The following MIER1 variants were observed in gnomAD, a reference collection of about 807,000 sequenced individuals.
The protein encoded by MIER1 is MIER1 transcriptional regulator, also known as mesoderm induction early response protein 1.
In MIER1, 40 loss-of-function variants were observed where a neutral mutation model predicts 75.7. The ratio of observed to expected loss-of-function variants is 0.53; its 90% confidence interval spans 0.41 to 0.69. The LOEUF (loss-of-function observed/expected upper bound fraction) is 0.69, where lower values mean the gene tolerates loss of function less well. MIER1 is among the 30% of genes least tolerant of loss of function. MIER1 has a pLI of 0.00. For missense variants in MIER1, 574 were observed against 680.2 expected (o/e 0.84, Z 1.74); for synonymous variants, 213 against 223.4 (o/e 0.95, Z 0.42).
rs1480618510 is a variant in MIER1 at position 66,987,925 on chromosome 1, T to C, written c.*3025T>C. 7 of 152,184 alleles carry C rather than the reference T, an allele frequency of 4.6e-5. No homozygotes were observed. Among genetic ancestry groups the C allele is most frequent in the African/African-American group, 7.3e-5 (3 of 41,342 alleles). 9.4% of individuals were successfully genotyped at this position (152,184 alleles called of 1,614,324 possible). A position where few individuals can be genotyped will look rare whatever the true frequency, so the allele number is the denominator to read the frequency against. On this transcript the variant is annotated 3_prime_UTR_variant, in exon 14 of 14. Transcript: ENST00000401041. Reference sequence around the variant, plus strand: ...GTCCCTAGACCTCCATTCACTCTGTTTCTCTTCTGCTGGATTATATAATTT... The same window carrying C: ...GTCCCTAGACCTCCATTCACTCTGTCTCTCTTCTGCTGGATTATATAATTT...
At chr1:66,937,268 CAGCT>C (rs1393209730) in intron 2 of MIER1, among the ~76,000 whole-genome samples, 1 of 152,004 alleles carries the variant, frequency 6.6e-6, no homozygotes, top group African/African-American at 2.4e-5. Context: ...TGATTATGAT[CAGCT>C]AACTAGATGC....
At chr1:66,959,525 ATAGGG>A (rs1478120518) in intron 6 of MIER1, among the ~76,000 whole-genome samples, 149 bp from the exon 7 acceptor site, 1 of 151,950 alleles carries the variant, frequency 6.6e-6, no homozygotes, top group Non-Finnish European at 1.5e-5. Flanking sequence ...TTTTTAAGTG[ATAGGG>A]TGTTAATTAT....
chr1:66,985,814 A>ATTTTTTTTTTTTTT lies in MIER1; in HGVS notation c.*924_*937dup. On this transcript the variant is annotated 3_prime_UTR_variant, in exon 14 of 14. Coordinates refer to ENST00000401041, the MANE Select transcript of MIER1 (RefSeq NM_001077700.3). ...TAAAGCATTCATAAAGGATTATAAA[A>ATTTTTTTTTTTTTT]TTTTTTTTTTTTTTTTTTTTTTTAA... 1 of 629,882 alleles carries ATTTTTTTTTTTTTT rather than the reference A, an allele frequency of 1.6e-6. No individual in the cohort carries two copies. Among genetic ancestry groups the ATTTTTTTTTTTTTT allele is most frequent in the Non-Finnish European group, 1.9e-6 (1 of 517,374 alleles). The allele number at this position is 629,882 out of a possible 1,614,324, so 39.0% of individuals were successfully genotyped here.
chr1:66,973,871 C>T (rs1250284006), intron 11 of MIER1, among the ~76,000 whole-genome samples: 1 of 152,046 alleles, frequency 6.6e-6, no homozygotes, highest in Admixed American at 6.6e-5. Flanking sequence ...AGTTTTGTGT[C>T]GTAGCTTGTC....
intron 4 of MIER1, chr1:66,947,801 C>G (rs1658017963): frequency 5.0e-6 from 2 of 401,816 alleles, no homozygotes; most frequent in Admixed American, 6.4e-5. Flanking sequence ...ACCCATGTAT[C>G]ACACTACCTC....
rs1652414964 is a variant in MIER1, at chr1:66,928,760, A to T, written c.168+2518A>T. The T allele has an allele frequency of 5.3e-6, 3 of 562,514 alleles. No individual in the cohort carries two copies. In the South Asian group the frequency reaches 8.1e-5, roughly 15 times the overall value. The allele number at this position is 562,514 out of a possible 1,614,324, so 34.8% of individuals were successfully genotyped here. On this transcript the variant is annotated intron_variant, in intron 2 of 13. Coordinates refer to ENST00000401041, the MANE Select transcript of MIER1 (RefSeq NM_001077700.3). ...ATTCCCCCAAGGAATCCTGAAAAACACTTTTATATAAGTTTTCTAAAAAAT... is the reference window on the plus strand; with the variant it reads ...ATTCCCCCAAGGAATCCTGAAAAACTCTTTTATATAAGTTTTCTAAAAAAT...
chr1:66,975,896 A>G (rs569923322), intron 11 of MIER1, among the ~76,000 whole-genome samples: 1 of 152,338 alleles, frequency 6.6e-6, no homozygotes, highest in South Asian at 2.1e-4. Flanking sequence ...ATTTAAAGAT[A>G]CGCTCCCTAG....
Position 66,974,437 on chromosome 1 carries a change from TTG to T in MIER1, c.1101+1448_1101+1449del, listed in dbSNP as rs1404746288. Among the ~76,000 whole-genome samples the T allele has an allele frequency of 1.5e-3, 223 of 149,118 alleles. 1 individual carries two copies. Among genetic ancestry groups the T allele is most frequent in the African/African-American group, 5.2e-3 (203 of 38,990 alleles). On this transcript the variant is annotated intron_variant, in intron 11 of 13. Transcript: ENST00000401041. ...ATTTTTGGATGAGGTTTTTTTTTTGTTGTTGTTGTTGTTGTTTTTTAACACTT... is the reference window on the plus strand; with the variant it reads ...ATTTTTGGATGAGGTTTTTTTTTTGTTTGTTGTTGTTGTTTTTTAACACTT...
intron 4 of MIER1, among the ~76,000 whole-genome samples, chr1:66,949,591 G>C (rs1453121927): frequency 6.6e-6 from 1 of 152,164 alleles, no homozygotes; most frequent in Non-Finnish European, 1.5e-5. Context: ...AAGTAGCATA[G>C]AATGCTTTTC....
In MIER1 at chr1:66,970,457, T is replaced by C. The variant is rs80126624; in HGVS notation, c.773-351T>C. Among the ~76,000 whole-genome samples, 379 of 152,290 alleles carry C rather than the reference T, an allele frequency of 2.5e-3. 3 individuals carry two copies. Among genetic ancestry groups the C allele is most frequent in the African/African-American group, 8.3e-3 (343 of 41,564 alleles). ...CCTTAAAACTATGTGGTAGAGTTAT[T>C]GTTACCTCCTTTCACAGATGAGACA... is the stretch of plus-strand genomic sequence containing the variant. On this transcript the variant is annotated intron_variant, in intron 8 of 13. Transcript: ENST00000401041.
In MIER1 at chr1:66,944,245, G is replaced by T. The variant is rs533077400; in HGVS notation, c.194-1905G>T. ...GCTTTACTTATTGTTTATCTTTCTG[G>T]AGTGAAATGAAAGAATAGGTACATC... On this transcript the variant is annotated intron_variant, in intron 3 of 13. Coordinates refer to ENST00000401041, the MANE Select transcript of MIER1 (RefSeq NM_001077700.3). Among the ~76,000 whole-genome samples the T allele has an allele frequency of 2.6e-5, 4 of 151,950 alleles. No individual in the cohort carries two copies. In the East Asian group the frequency reaches 7.8e-4, roughly 29 times the overall value.
intron 4 of MIER1, chr1:66,948,240 A>C: frequency 5.3e-6 from 5 of 938,262 alleles, no homozygotes; most frequent in Non-Finnish European, 6.4e-6. Context: ...TATATCATGC[A>C]TATGATTTCC....
rs572766333 is a variant in MIER1, at chr1:66,945,250, T to G, written c.194-900T>G. Among the ~76,000 whole-genome samples the G allele has an allele frequency of 3.4e-4, 47 of 139,890 alleles. 1 individual carries two copies. The highest frequency in any genetic ancestry group is 1.2e-3 in the African/African-American group (47 of 38,686). 91.8% of individuals were successfully genotyped at this position (139,890 alleles called of 152,430 possible). ...CTATGCACATTTCTCTTATATGCTTTAAATAATCTGGTGTGTGTATATATA... is the reference window on the plus strand; with the variant it reads ...CTATGCACATTTCTCTTATATGCTTGAAATAATCTGGTGTGTGTATATATA... On this transcript the variant is annotated intron_variant, in intron 3 of 13. Coordinates refer to ENST00000401041, the MANE Select transcript of MIER1 (RefSeq NM_001077700.3).
intron 2 of MIER1, chr1:66,930,261 C>T (rs1411708990): frequency 6.6e-7 from 1 of 1,526,444 alleles, no homozygotes; most frequent in Non-Finnish European, 8.8e-7. Context: ...TGCGCGTTCC[C>T]GCCGAGGCAG....
Position 66,986,614 on chromosome 1 carries a change from T to C in MIER1, c.*1714T>C, listed in dbSNP as rs1270837679. 7.4e-6 allele frequency: 5 copies of C among 674,170 alleles called. No homozygotes were observed. The highest frequency in any genetic ancestry group is 1.3e-5 in the Non-Finnish European group (5 of 395,868). The allele number at this position is 674,170 out of a possible 1,614,324, so 41.8% of individuals were successfully genotyped here. A position where few individuals can be genotyped will look rare whatever the true frequency, so the allele number is the denominator to read the frequency against. On this transcript the variant is annotated 3_prime_UTR_variant, in exon 14 of 14. Transcript: ENST00000401041. The stretch of plus-strand genomic sequence containing the variant: ...TTCGGACTGCTTCCCTTCACCAATG[T>C]GAACAACTTTTTTTCCCAAACAGTG...
At chr1:66,947,496 A>C (rs1657931003) in intron 4 of MIER1, 1 of 151,944 alleles carries the variant, frequency 6.6e-6, no homozygotes, top group African/African-American at 2.4e-5. Flanking sequence ...TCAATATCTT[A>C]TTTCTAAATA....
In MIER1 at chr1:66,958,752, A is replaced by G. The variant is rs1490868966; in HGVS notation, c.502-99A>G. The G allele has an allele frequency of 2.0e-5, 18 of 897,704 alleles. 1 individual carries two copies. In the Admixed American group the frequency reaches 2.9e-4, roughly 14 times the overall value. 55.6% of individuals were successfully genotyped at this position (897,704 alleles called of 1,614,324 possible). Reference sequence around the variant, plus strand: ...ATACTACATCTAGTATATTCATTTTAGTCTTCTGCATATATTAGAACAAAA... The same window carrying G: ...ATACTACATCTAGTATATTCATTTTGGTCTTCTGCATATATTAGAACAAAA... On this transcript the variant is annotated intron_variant, in intron 5 of 13. Transcript: ENST00000401041.
chr1:66,931,408 T>C (rs1485179513), intron 2 of MIER1, among the ~76,000 whole-genome samples: 7 of 152,182 alleles, frequency 4.6e-5, no homozygotes, highest in Non-Finnish European at 8.8e-5. Flanking sequence ...GATGATGTAT[T>C]TGGATTTTTT....
chr1:66,941,982 A>C (rs1397219931), intron 3 of MIER1, among the ~76,000 whole-genome samples: 1 of 151,762 alleles, frequency 6.6e-6, no homozygotes, highest in Admixed American at 6.6e-5. Context: ...AAAAAAAAAA[A>C]AAAAACAGTC....
Sources: gnomAD v4.1 joint callset for allele counts (sites outside exome capture counted in the v4.1 genomes callset) on GRCh38, gnomAD v4.1.1 for gene constraint, MANE v1.5 for transcripts, NCBI Gene and HGNC (gene_info 2026-07-23, HGNC 2026-07-21) for gene names.